Variants in ITPR2 observed in about 807,000 individuals in gnomAD.
ITPR2 encodes inositol 1,4,5-trisphosphate receptor type 2.
Under a neutral mutation model 317.1 loss-of-function variants are expected in ITPR2, and 207 were observed. The ratio of observed to expected loss-of-function variants is 0.65; its 90% confidence interval spans 0.58 to 0.73. The LOEUF is 0.73. Among genes scored for constraint, ITPR2 ranks in the 30% least tolerant of loss-of-function variants. ITPR2 has a pLI of 0.00. For missense variants in ITPR2, 2,613 were observed against 3,284.0 expected (o/e 0.80, Z 4.99); for synonymous variants, 1,156 against 1,149.1 (o/e 1.01, Z -0.12).
At chr12:26,508,140 T>C (rs1372172763) in intron 37 of ITPR2, among the ~76,000 whole-genome samples, 1 of 152,188 alleles carries the variant, frequency 6.6e-6, no homozygotes, top group African/African-American at 2.4e-5. Flanking sequence ...ATTTCTAAAT[T>C]ACAGGTCACT....
chr12:26,518,381 G>A (rs546173723), intron 37 of ITPR2, among the ~76,000 whole-genome samples: 8 of 152,242 alleles, frequency 5.3e-5, no homozygotes, highest in African/African-American at 1.9e-4. Flanking sequence ...GGTGGAGGGT[G>A]GAAGAAGGGT....
intron 45 of ITPR2, among the ~76,000 whole-genome samples, chr12:26,452,281 T>G (rs1941760229): frequency 6.6e-6 from 1 of 152,064 alleles, no homozygotes; most frequent in Admixed American, 6.6e-5. Context: ...CATAAAAGAA[T>G]GAAGTGTTTT....
intron 2 of ITPR2, among the ~76,000 whole-genome samples, chr12:26,784,576 G>T (rs1026678681): frequency 5.3e-5 from 8 of 151,584 alleles, no homozygotes; most frequent in Non-Finnish European, 1.0e-4. Context: ...GCTCCTAACC[G>T]CGAGTGATCC....
At chr12:26,420,314 G>A (rs1023246311) in intron 49 of ITPR2, among the ~76,000 whole-genome samples, 1 of 152,146 alleles carries the variant, frequency 6.6e-6, no homozygotes, top group Admixed American at 6.5e-5. Context: ...GTCCTTAAAT[G>A]TCCAATCTTA....
At chr12:26,758,820 A>G (rs558661778) in intron 2 of ITPR2, among the ~76,000 whole-genome samples, 107 of 152,348 alleles carry the variant, frequency 7.0e-4, no homozygotes, top group African/African-American at 2.3e-3. Context: ...AATGAAATCC[A>G]CCAGCACTTT....
intron 32 of ITPR2, among the ~76,000 whole-genome samples, chr12:26,588,365 A>T (rs1035546660): frequency 6.6e-6 from 1 of 152,176 alleles, no homozygotes; most frequent in African/African-American, 2.4e-5. Flanking sequence ...AATAGAGTGG[A>T]ATTGACATCC....
chr12:26,642,489 T>C (rs7957591), intron 21 of ITPR2, among the ~76,000 whole-genome samples: 129,443 of 152,274 alleles, frequency 0.85, 55,294 homozygotes, highest in East Asian at 0.97. Context: ...CACTAAGAGA[T>C]GACACAGCAA....
rs538730705 is a variant in ITPR2, at chr12:26,574,288, C to A, written c.4630+4425G>T. On this transcript the variant is annotated intron_variant, in intron 34 of 56. Transcript: ENST00000381340. Reference sequence around the variant, plus strand: ...AATTATTGTGTTCCTCCTCAGATTTCTTTTCTTTGTCTAAATATTTCAAAT... The same window carrying A: ...AATTATTGTGTTCCTCCTCAGATTTATTTTCTTTGTCTAAATATTTCAAAT... Among the ~76,000 whole-genome samples the A allele has an allele frequency of 2.3e-3, 340 of 150,742 alleles. 1 individual carries two copies. Among genetic ancestry groups the A allele is most frequent in the Non-Finnish European group, 3.8e-3 (258 of 67,758 alleles).
At chr12:26,632,156 G>A in intron 21 of ITPR2, 97 bp from the exon 22 acceptor site, 1 of 902,694 alleles carries the variant, frequency 1.1e-6, no homozygotes, top group Non-Finnish European at 1.6e-6. Flanking sequence ...AAAGCAGCCA[G>A]GAAAAGGATT....
intron 2 of ITPR2, among the ~76,000 whole-genome samples, chr12:26,739,090 A>C (rs990658440): frequency 2.0e-5 from 3 of 152,230 alleles, no homozygotes; most frequent in Non-Finnish European, 4.4e-5. Flanking sequence ...AGAAATGCAA[A>C]CTATGACCAT....
At chr12:26,685,919 C>T (rs1202512209) in intron 11 of ITPR2, among the ~76,000 whole-genome samples, 1 of 152,160 alleles carries the variant, frequency 6.6e-6, no homozygotes, top group Non-Finnish European at 1.5e-5. Context: ...ACTCTCCATA[C>T]CCTCCATTTT....
At chr12:26,378,762 T>A (rs551089948) in intron 55 of ITPR2, among the ~76,000 whole-genome samples, 4 of 152,250 alleles carry the variant, frequency 2.6e-5, no homozygotes, top group Non-Finnish European at 5.9e-5. Flanking sequence ...AGCCTCTTTT[T>A]CTTTCTCGCC....
chr12:26,746,312 G>A (rs1234237933), intron 2 of ITPR2, among the ~76,000 whole-genome samples: 1 of 152,144 alleles, frequency 6.6e-6, no homozygotes, highest in African/African-American at 2.4e-5. Context: ...CCTGGAGAAT[G>A]AGCCCATTCT....
intron 1 of ITPR2, among the ~76,000 whole-genome samples, chr12:26,830,338 C>A (rs941255325): frequency 6.6e-6 from 1 of 152,232 alleles, no homozygotes; most frequent in Non-Finnish European, 1.5e-5. Context: ...TAAGGAAGCT[C>A]AACCTTCAAA....
intron 2 of ITPR2, among the ~76,000 whole-genome samples, chr12:26,768,888 G>C (rs1417426072): frequency 1.3e-5 from 2 of 152,000 alleles, no homozygotes; most frequent in African/African-American, 4.8e-5. Context: ...ACCATTTTTA[G>C]GGTACTTCCA....
chr12:26,600,178 T>C, intron 28 of ITPR2, 69 bp from the exon 29 acceptor site: 1 of 1,378,800 alleles, frequency 7.3e-7, no homozygotes, highest in South Asian at 1.3e-5. Flanking sequence ...CAAAAATCTC[T>C]CCTTCACCCA....
chr12:26,669,204 A>G (rs1947693805), intron 13 of ITPR2, among the ~76,000 whole-genome samples: 1 of 151,858 alleles, frequency 6.6e-6, no homozygotes, highest in East Asian at 1.9e-4. Flanking sequence ...TTCTAAAAAT[A>G]TTATTAATCT....
intron 37 of ITPR2, among the ~76,000 whole-genome samples, chr12:26,542,273 A>G (rs1944285097): frequency 6.6e-6 from 1 of 152,260 alleles, no homozygotes; most frequent in Non-Finnish European, 1.5e-5. Context: ...AATTTTATCA[A>G]GAATAAAATT....
intron 55 of ITPR2, among the ~76,000 whole-genome samples, chr12:26,371,272 T>G (rs145730344): frequency 3.7e-4 from 57 of 152,370 alleles, no homozygotes; most frequent in African/African-American, 1.2e-3. Flanking sequence ...GCAGTTTTCT[T>G]AAGTTCTCTT....
Sources: gnomAD v4.1 joint callset for allele counts (sites outside exome capture counted in the v4.1 genomes callset) on GRCh38, gnomAD v4.1.1 for gene constraint, MANE v1.5 for transcripts, NCBI Gene and HGNC (gene_info 2026-07-23, HGNC 2026-07-21) for gene names.